Variants in GAPVD1 observed in about 807,000 individuals in gnomAD.
GAPVD1 encodes GTPase activating protein and VPS9 domains 1.
Under a neutral mutation model 155.5 loss-of-function variants are expected in GAPVD1, and 35 were observed. That is an observed-to-expected ratio of 0.23 (90% confidence interval 0.17 to 0.30). The LOEUF (loss-of-function observed/expected upper bound fraction) is 0.30. Among genes scored for constraint, GAPVD1 ranks in the 10% least tolerant of loss-of-function variants. The pLI is 1.00. For missense variants in GAPVD1, 1,429 were observed against 1,775.7 expected, an observed-to-expected ratio of 0.80 and a Z score of 3.51; for synonymous variants, 636 against 619.7, an observed-to-expected ratio of 1.03 and a Z score of -0.39.
intron 2 of GAPVD1, among the ~76,000 whole-genome samples, chr9:125,281,647 A>G (rs985956263): frequency 1.3e-5 from 2 of 152,090 alleles, no homozygotes; most frequent in Non-Finnish European, 2.9e-5. Context: ...CTTTGTTCCA[A>G]TTTCCTCAGT....
chr9:125,350,879 T>C lies in GAPVD1; in HGVS notation c.3569+7T>C. The stretch of plus-strand genomic sequence containing the variant: ...CGATTGCTGAGGACTACAGGTAATA[T>C]ACCCCACCTGTTCAGCTTTTAAACC... On this transcript the variant is annotated splice_region_variant and intron_variant, in intron 23 of 27. Transcript: ENST00000297933. 1 of 1,600,460 alleles carries C rather than the reference T, an allele frequency of 6.2e-7. No homozygotes were observed. The highest frequency in any genetic ancestry group is 8.5e-7 in the Non-Finnish European group (1 of 1,173,536).
intron 23 of GAPVD1, among the ~76,000 whole-genome samples, chr9:125,351,334 A>G (rs1039976706): frequency 6.6e-6 from 1 of 152,196 alleles, no homozygotes; most frequent in African/African-American, 2.4e-5. Context: ...GTGGGGACAC[A>G]GCCAAACCAT....
In GAPVD1 at chr9:125,337,234, G is replaced by A. The variant is rs753997506; in HGVS notation, c.2520G>A (p.Val840=). ...PLSSHEGASA[V]VRPKVHYARP... Reference sequence around the variant, plus strand: ...CCTGTGTTGCAGGGGCTTCTGCTGTGGTAAGGCCAAAGGTTCACTATGCTA... The same window carrying A: ...CCTGTGTTGCAGGGGCTTCTGCTGTAGTAAGGCCAAAGGTTCACTATGCTA... Residue 840 remains valine, a synonymous_variant, in exon 17 of 28, where the codon GTG becomes GTA. Transcript: ENST00000297933. 8.1e-6 allele frequency: 13 copies of A among 1,614,022 alleles called. No homozygotes were observed. Among genetic ancestry groups the A allele is most frequent in the South Asian group, 7.7e-5 (7 of 91,080 alleles).
intron 2 of GAPVD1, among the ~76,000 whole-genome samples, chr9:125,292,400 AT>A (rs869107135): frequency 2.3e-3 from 331 of 145,374 alleles, no homozygotes; most frequent in Middle Eastern, 3.6e-3. Flanking sequence ...TCCAGGGTAG[AT>A]TTTTTTTTTT....
chr9:125,339,313 G>C (rs965262697), intron 17 of GAPVD1, among the ~76,000 whole-genome samples: 1 of 152,018 alleles, frequency 6.6e-6, no homozygotes, highest in African/African-American at 2.4e-5. Flanking sequence ...TCTTGGTTAG[G>C]GTTTGTCACT....
intron 2 of GAPVD1, among the ~76,000 whole-genome samples, chr9:125,283,759 C>G (rs572193249): frequency 3.9e-5 from 6 of 152,226 alleles, no homozygotes; most frequent in African/African-American, 1.4e-4. Flanking sequence ...TGATTCTTAT[C>G]CCATAAAAAG....
At chr9:125,278,277 T>C (rs1836140315) in intron 2 of GAPVD1, among the ~76,000 whole-genome samples, 1 of 152,166 alleles carries the variant, frequency 6.6e-6, no homozygotes, top group Admixed American at 6.6e-5. Flanking sequence ...TCCCAGCACT[T>C]TGGGAGGCCT....
At position 125,319,379 on chromosome 9, in the gene GAPVD1, A is replaced by T. The variant is rs3104548; in HGVS notation, c.1603-2054A>T. Among the ~76,000 whole-genome samples the T allele has an allele frequency of 9.5e-4, 141 of 148,246 alleles. 1 individual carries two copies. Among genetic ancestry groups the T allele is most frequent in the African/African-American group, 3.2e-3 (128 of 40,318 alleles). On this transcript the variant is annotated intron_variant, in intron 9 of 27. Transcript: ENST00000297933. The stretch of plus-strand genomic sequence containing the variant: ...ACAGAATGAGTTCCATCTTAAAAAA[A>T]TTTTTTTTAATAAAAATTTTATGTG...
rs745522909 is a variant in GAPVD1 at position 125,307,888 on chromosome 9, G to C, written c.1441+8G>C. 5.8e-6 allele frequency: 9 copies of C among 1,565,112 alleles called. No homozygotes were observed. The African/African-American group carries it at 9.5e-5, about 16-fold the overall frequency. On this transcript the variant is annotated splice_region_variant and intron_variant, in intron 8 of 27. Coordinates refer to ENST00000297933, the MANE Select transcript of GAPVD1 (RefSeq NM_001282680.3). ...AGAATCGATTACCTATAGGTAAAGA[G>C]AATTTCTCGTATTGGAGCTTTCTCT...
chr9:125,343,458 C>T (rs1165729493), intron 19 of GAPVD1, among the ~76,000 whole-genome samples: 3 of 152,100 alleles, frequency 2.0e-5, no homozygotes, highest in Admixed American at 6.5e-5. Context: ...TCAAAGAGTT[C>T]AGCATTACAG....
At chr9:125,333,427 A>ACCAAAATG (rs547515690) in intron 15 of GAPVD1, among the ~76,000 whole-genome samples, 96 of 151,296 alleles carry the variant, frequency 6.3e-4, no homozygotes, top group African/African-American at 2.1e-3. Context: ...TACTGGAAAT[A>ACCAAAATG]CCAAAATGCT....
At position 125,301,963 on chromosome 9, in the gene GAPVD1, C is replaced by CTTT. The variant is rs397893733; in HGVS notation, c.186-5_186-3dup. 502 of 1,393,732 alleles carry CTTT rather than the reference C, an allele frequency of 3.6e-4. 2 individuals are homozygous for CTTT. The highest frequency in any genetic ancestry group is 2.1e-3 in the Admixed American group (81 of 38,270). 86.3% of individuals were successfully genotyped at this position (1,393,732 alleles called of 1,614,324 possible). ...AATACTATTATTTTGCTTGTTTGCT[C>CTTT]TTTTTTTTTTTTTTTTTAGTGCTGA... On this transcript the variant is annotated intron_variant, in intron 4 of 27. Transcript: ENST00000297933.
chr9:125,350,857 T>C lies in GAPVD1; in HGVS notation c.3554T>C (p.Ile1185Thr). The change falls in exon 23 of 28, where the codon ATT becomes ACT. Residue 1185 changes from isoleucine (I) to threonine (T), a missense_variant. Ile to Thr is a moderately conservative substitution (Grantham distance 89). Transcript: ENST00000297933. ...ACTTGTAGGAAACTGCTGGCTTCGA[T>C]TGCTGAGGACTACAGGTAATATACC... Reference protein sequence around the residue: ...NRTCRKLLASIAEDYRKRAPY... With the variant: ...NRTCRKLLASTAEDYRKRAPY... 6.2e-7 allele frequency: 1 copy of C among 1,613,688 alleles called. No homozygotes were observed. Among genetic ancestry groups the C allele is most frequent in the Non-Finnish European group, 8.5e-7 (1 of 1,179,766 alleles).
intron 2 of GAPVD1, among the ~76,000 whole-genome samples, chr9:125,270,373 G>C (rs775834362): frequency 1.3e-5 from 2 of 151,942 alleles, no homozygotes; most frequent in Non-Finnish European, 1.5e-5. Flanking sequence ...AGTTTGCAGT[G>C]AGCTGAGATT....
chr9:125,302,749 G>A lies in GAPVD1; in HGVS notation c.952G>A (p.Ala318Thr). 1 of 1,614,060 alleles carries A rather than the reference G, an allele frequency of 6.2e-7. No individual in the cohort carries two copies. The highest frequency in any genetic ancestry group is 8.5e-7 in the Non-Finnish European group (1 of 1,179,978). The change falls in exon 5 of 28, where the codon GCA (alanine) becomes ACA (threonine). Residue 318 changes from alanine to threonine, a missense_variant. By Grantham distance (58) the Ala-to-Thr change is moderately conservative (BLOSUM62 0). Coordinates refer to ENST00000297933, the MANE Select transcript of GAPVD1 (RefSeq NM_001282680.3). ...CCTGTTGGCCTGCTTCATTTGTCCT[G>A]CAGTTGTCAATCCAGAACAATATGG... ...DLLLACFICPAVVNPEQYGII... is the reference protein window; with the variant it reads ...DLLLACFICPTVVNPEQYGII...
chr9:125,328,988 C>A (rs1017097982), intron 12 of GAPVD1, among the ~76,000 whole-genome samples: 1 of 151,946 alleles, frequency 6.6e-6, no homozygotes, highest in Non-Finnish European at 1.5e-5. Context: ...TCAGGCGTGG[C>A]GGCGCGTGCC....
chr9:125,325,723 ATTTG>A (rs1156999944), intron 11 of GAPVD1, among the ~76,000 whole-genome samples: 1 of 152,028 alleles, frequency 6.6e-6, no homozygotes, highest in Non-Finnish European at 1.5e-5. Flanking sequence ...ATTTTACTGG[ATTTG>A]TTTATCAGTG....
At chr9:125,324,025 T>G in intron 11 of GAPVD1, 102 bp downstream of exon 11, 1 of 906,862 alleles carries the variant, frequency 1.1e-6, no homozygotes, top group South Asian at 1.6e-5. Flanking sequence ...AGTAAGAGAT[T>G]AAATCACCAT....
At chr9:125,338,908 T>C (rs931195179) in intron 17 of GAPVD1, among the ~76,000 whole-genome samples, 1 of 151,494 alleles carries the variant, frequency 6.6e-6, no homozygotes, top group Admixed American at 6.6e-5. Flanking sequence ...GGTCTCATGG[T>C]TTTCTGTCTT....
Sources: gnomAD v4.1 joint callset for allele counts (sites outside exome capture counted in the v4.1 genomes callset) on GRCh38, gnomAD v4.1.1 for gene constraint, MANE v1.5 for transcripts, NCBI Gene and HGNC (gene_info 2026-07-23, HGNC 2026-07-21) for gene names.